Variants in NLRP11 observed in about 807,000 individuals in gnomAD.
NLRP11 encodes NACHT, LRR and PYD domains-containing protein 11.
In NLRP11, 53 loss-of-function variants were observed where a neutral mutation model predicts 79.3. That is an observed-to-expected ratio of 0.67 (90% CI 0.54 to 0.84). NLRP11 has a LOEUF of 0.84. NLRP11 is among the 40% of genes least tolerant of loss of function. The pLI is 0.00. For missense variants in NLRP11, 1,264 were observed against 1,255.0 expected (o/e 1.01, Z -0.11); for synonymous variants, 518 against 462.6 (o/e 1.12, Z -1.54).
intron 2 of NLRP11, among the ~76,000 whole-genome samples, chr19:55,815,865 C>G (rs1981065793): frequency 6.6e-6 from 1 of 152,028 alleles, no homozygotes; most frequent in South Asian, 2.1e-4. Context: ...ATGTGATAAG[C>G]CAGGTATAGC....
intron 5 of NLRP11, among the ~76,000 whole-genome samples, chr19:55,796,769 C>T (rs986699094): frequency 2.0e-5 from 3 of 151,890 alleles, no homozygotes; most frequent in African/African-American, 2.4e-5. Flanking sequence ...TCACTGCAAC[C>T]TCTGCCTCCC....
chr19:55,810,369 A>G (rs750900201), intron 2 of NLRP11, 31 bp from the exon 3 acceptor site: 1 of 1,549,030 alleles, frequency 6.5e-7, no homozygotes, highest in Non-Finnish European at 8.7e-7. Context: ...CAGAAAATAC[A>G]GAACAAAGAT....
chr19:55,795,124 T>C (rs905347741), intron 6 of NLRP11, among the ~76,000 whole-genome samples: 2 of 152,174 alleles, frequency 1.3e-5, no homozygotes, highest in Non-Finnish European at 2.9e-5. Context: ...CCTTTATGCC[T>C]CACTTTTGCC....
upstream of NLRP11, among the ~76,000 whole-genome samples, chr19:55,833,368 A>G (rs1982958984): frequency 6.6e-6 from 1 of 151,338 alleles, no homozygotes; most frequent in African/African-American, 2.4e-5. Flanking sequence ...AGGGACTAGT[A>G]CAAGCCAAGA....
chr19:55,797,116 ACCCTATTTTTT>A (rs1978993245), intron 5 of NLRP11, among the ~76,000 whole-genome samples: 1 of 151,974 alleles, frequency 6.6e-6, no homozygotes. Flanking sequence ...TCCCCATGGG[ACCCTATTTTTT>A]AAAAAAAGTT....
chr19:55,821,242 CACACA>C (rs756617363), intron 1 of NLRP11, among the ~76,000 whole-genome samples: 7 of 129,938 alleles, frequency 5.4e-5, no homozygotes, highest in East Asian at 2.1e-4. Context: ...CACACACACA[CACACA>C]CACCCCAAGC....
intron 4 of NLRP11, among the ~76,000 whole-genome samples, chr19:55,803,448 A>T (rs1979678198): frequency 6.6e-6 from 1 of 152,222 alleles, no homozygotes; most frequent in African/African-American, 2.4e-5. Context: ...CAACAAAAGC[A>T]AAAAATGACA....
At chr19:55,791,211 G>A (rs560082360) in intron 7 of NLRP11, among the ~76,000 whole-genome samples, 1 of 152,054 alleles carries the variant, frequency 6.6e-6, no homozygotes, top group African/African-American at 2.4e-5. Flanking sequence ...ATAGAAAAAG[G>A]TTTCTAACCC....
chr19:55,796,887 C>T (rs996763708), intron 5 of NLRP11, among the ~76,000 whole-genome samples: 1 of 152,062 alleles, frequency 6.6e-6, no homozygotes, highest in Non-Finnish European at 1.5e-5. Context: ...CCAGGTTTCA[C>T]CATGTTGGCC....
intron 4 of NLRP11, 142 bp from the exon 5 acceptor site, chr19:55,801,881 C>T: frequency 4.3e-6 from 3 of 695,688 alleles, no homozygotes; most frequent in Non-Finnish European, 7.3e-6. Flanking sequence ...TCTTAAATTT[C>T]TAGTCAGGTC....
At chr19:55,795,574 C>T (rs1978754566) in intron 6 of NLRP11, among the ~76,000 whole-genome samples, 1 of 152,076 alleles carries the variant, frequency 6.6e-6, no homozygotes, top group Admixed American at 6.6e-5. Flanking sequence ...ACTGCAACCT[C>T]CGCCTCCCGG....
chr19:55,813,286 C>A (rs1348836986), intron 2 of NLRP11, among the ~76,000 whole-genome samples: 4 of 152,130 alleles, frequency 2.6e-5, no homozygotes, highest in Non-Finnish European at 5.9e-5. Flanking sequence ...CAAGATTGCA[C>A]CACTGCACTC....
intron 5 of NLRP11, 100 bp from the exon 6 acceptor site, chr19:55,796,350 T>C: frequency 1.1e-6 from 1 of 915,426 alleles, no homozygotes; most frequent in South Asian, 1.7e-5. Context: ...CCAAGTGCGA[T>C]GATGTCTACT....
At chr19:55,811,577 T>G (rs1292400039) in intron 2 of NLRP11, among the ~76,000 whole-genome samples, 3 of 152,140 alleles carry the variant, frequency 2.0e-5, no homozygotes, top group Admixed American at 2.0e-4. Context: ...GATCCCACCC[T>G]CTAGACTACC....
At chr19:55,792,324 T>C in exon 7 of NLRP11, 1 of 1,614,120 alleles carries the variant, frequency 6.2e-7, no homozygotes, top group Non-Finnish European at 8.5e-7. Context: ...ACTGACAGGT[T>C]GGAAACAGCA....
intron 1 of NLRP11, among the ~76,000 whole-genome samples, chr19:55,831,421 G>A (rs867809934): frequency 1.5e-4 from 23 of 151,900 alleles, no homozygotes; most frequent in African/African-American, 5.1e-4. Context: ...AATTAGCTAC[G>A]TATGCTGGCG....
intron 8 of NLRP11, 109 bp downstream of exon 8, chr19:55,789,120 C>T: frequency 7.2e-7 from 1 of 1,392,294 alleles, no homozygotes; most frequent in Admixed American, 2.0e-5. Context: ...CCATTTCAAA[C>T]ACTAGACTAT....
chr19:55,830,841 G>T (rs1199384773), intron 1 of NLRP11, among the ~76,000 whole-genome samples: 1 of 152,138 alleles, frequency 6.6e-6, no homozygotes, highest in East Asian at 1.9e-4. Flanking sequence ...CCAAGTCGGC[G>T]TTGCATCAGA....
intron 6 of NLRP11, among the ~76,000 whole-genome samples, chr19:55,794,866 A>G (rs1212995852): frequency 6.6e-6 from 1 of 152,222 alleles, no homozygotes; most frequent in Non-Finnish European, 1.5e-5. Flanking sequence ...CAGAAAATAT[A>G]AAGAATATAA....
Sources: allele counts gnomAD v4.1 joint callset (sites outside exome capture counted in the v4.1 genomes callset), GRCh38; gene constraint gnomAD v4.1.1; transcripts MANE v1.5; gene names NCBI Gene and HGNC (gene_info 2026-07-23, HGNC 2026-07-21).